BEND7: variants seen among roughly 807,000 people sequenced by gnomAD.
BEND7 encodes BEN domain containing 7, also known as BEN domain-containing protein 7.
Under a neutral mutation model 50.9 loss-of-function variants are expected in BEND7, and 28 were observed. The ratio of observed to expected loss-of-function variants is 0.55; its 90% CI spans 0.41 to 0.75. The LOEUF (loss-of-function observed/expected upper bound fraction) is 0.75. Ranked by LOEUF, BEND7 falls within the 30% of genes least tolerant of loss-of-function variation. The pLI is 0.00. For missense variants in BEND7, 477 were observed against 491.3 expected (o/e 0.97, Z 0.28); for synonymous variants, 170 against 183.9 (o/e 0.92, Z 0.61).
chr10:13,441,040 C>T (rs1835247984), downstream of BEND7: 2 of 924,810 alleles, frequency 2.2e-6, no homozygotes, highest in Non-Finnish European at 2.6e-6. Context: ...ACTGACTTCT[C>T]TTCATAAACA....
At chr10:13,440,446 C>T (rs770603554), downstream of BEND7, among the ~76,000 whole-genome samples, 56 of 152,218 alleles carry the variant, frequency 3.7e-4, no homozygotes, top group Non-Finnish European at 5.9e-4. Context: ...GGTGCGGGTG[C>T]CTTCCCAGGC....
chr10:13,488,233 A>G (rs185964207), intron 5 of BEND7, among the ~76,000 whole-genome samples: 61 of 152,220 alleles, frequency 4.0e-4, no homozygotes, highest in Non-Finnish European at 8.1e-4. Flanking sequence ...AGATAGAAAA[A>G]CATTTCCTAT....
At chr10:13,503,294 C>T (rs1046400731) in intron 2 of BEND7, among the ~76,000 whole-genome samples, 4 of 152,092 alleles carry the variant, frequency 2.6e-5, no homozygotes, top group Non-Finnish European at 5.9e-5. Context: ...AAAATCAGGA[C>T]GTCGGGGGAC....
intron 6 of BEND7, among the ~76,000 whole-genome samples, chr10:13,474,681 G>A (rs1008819535): frequency 9.9e-5 from 15 of 151,766 alleles, no homozygotes; most frequent in African/African-American, 2.2e-4. Flanking sequence ...GTCGATATCC[G>A]TCATCAGTGT....
At chr10:13,503,735 A>ACAAACAAG (rs569272983) in intron 2 of BEND7, among the ~76,000 whole-genome samples, 9 of 151,968 alleles carry the variant, frequency 5.9e-5, no homozygotes, top group African/African-American at 2.2e-4. Flanking sequence ...AAACAAACAA[A>ACAAACAAG]CAACAACTAA....
chr10:13,442,424 T>A (rs969905124), intron 8 of BEND7: 1 of 152,176 alleles, frequency 6.6e-6, no homozygotes, highest in Non-Finnish European at 1.5e-5. Flanking sequence ...TGTTTCTAAA[T>A]AACACAGTGT....
chr10:13,479,375 C>T (rs1431273526), intron 6 of BEND7, among the ~76,000 whole-genome samples: 1 of 151,476 alleles, frequency 6.6e-6, no homozygotes, highest in Non-Finnish European at 1.5e-5. Flanking sequence ...AAACCCACAT[C>T]GATCCACTTG....
chr10:13,484,263 G>C (rs1172454987), intron 5 of BEND7, among the ~76,000 whole-genome samples: 1 of 152,188 alleles, frequency 6.6e-6, no homozygotes, highest in Non-Finnish European at 1.5e-5. Flanking sequence ...TGTGCCAGGT[G>C]CCGCAAGGCA....
chr10:13,449,316 A>G (rs1363591045), intron 7 of BEND7, among the ~76,000 whole-genome samples: 4 of 152,182 alleles, frequency 2.6e-5, no homozygotes, highest in Admixed American at 2.0e-4. Context: ...TCCTTCAATA[A>G]TAATAACAAT....
intron 6 of BEND7, among the ~76,000 whole-genome samples, chr10:13,474,264 T>C (rs887112747): frequency 1.3e-5 from 2 of 152,160 alleles, no homozygotes; most frequent in Admixed American, 6.5e-5. Flanking sequence ...ATCATCGCCG[T>C]TGGACTCGGG....
intron 2 of BEND7, among the ~76,000 whole-genome samples, chr10:13,505,186 C>T (rs554797691): frequency 4.6e-5 from 7 of 152,158 alleles, no homozygotes; most frequent in African/African-American, 9.7e-5. Context: ...CAGTTCTATT[C>T]GCTGCACTCC....
chr10:13,517,813 G>A (rs1173348926), intron 2 of BEND7, among the ~76,000 whole-genome samples: 1 of 152,216 alleles, frequency 6.6e-6, no homozygotes, highest in Non-Finnish European at 1.5e-5. Context: ...GGAGCCGAAA[G>A]GCACCGTGTG....
intron 4 of BEND7, among the ~76,000 whole-genome samples, chr10:13,496,210 A>G (rs1326804205): frequency 2.0e-5 from 3 of 152,252 alleles, no homozygotes; most frequent in East Asian, 3.8e-4. Flanking sequence ...GATGCGCCAC[A>G]CAGCTCCAAA....
At chr10:13,509,058 G>A (rs1009341241) in intron 2 of BEND7, among the ~76,000 whole-genome samples, 4 of 152,182 alleles carry the variant, frequency 2.6e-5, no homozygotes, top group Non-Finnish European at 5.9e-5. Context: ...GGGTCAAAAA[G>A]AGCAAAGAAA....
upstream of BEND7, chr10:13,529,087 G>A (rs1247939637): frequency 4.8e-5 from 7 of 145,142 alleles, no homozygotes; most frequent in East Asian, 1.4e-3. Context: ...CGGTGCCGCT[G>A]GGACCCCAGG....
At chr10:13,510,040 A>C (rs1048016993) in intron 2 of BEND7, among the ~76,000 whole-genome samples, 1 of 152,226 alleles carries the variant, frequency 6.6e-6, no homozygotes, top group Non-Finnish European at 1.5e-5. Context: ...ATTAAGCAAC[A>C]AAGTCTGAAA....
intron 6 of BEND7, among the ~76,000 whole-genome samples, chr10:13,453,624 C>T (rs535107724): frequency 6.6e-6 from 1 of 152,200 alleles, no homozygotes; most frequent in South Asian, 2.1e-4. Context: ...ATGAAGAGCT[C>T]ATTCAAATAA....
chr10:13,477,171 A>AAT (rs1403857701), intron 6 of BEND7, among the ~76,000 whole-genome samples: 6 of 152,160 alleles, frequency 3.9e-5, no homozygotes, highest in Admixed American at 1.3e-4. Flanking sequence ...TAACCACTCT[A>AAT]ATAATCACTT....
intron 2 of BEND7, 102 bp from the exon 3 acceptor site, chr10:13,500,182 G>A (rs1344597737): frequency 9.8e-7 from 1 of 1,020,468 alleles, no homozygotes; most frequent in Non-Finnish European, 1.4e-6. Flanking sequence ...CTTTGGAAAT[G>A]GGAAAGATGA....
Sources: allele counts gnomAD v4.1 joint callset (sites outside exome capture counted in the v4.1 genomes callset), GRCh38; gene constraint gnomAD v4.1.1; transcripts MANE v1.5; gene names NCBI Gene and HGNC (gene_info 2026-07-23, HGNC 2026-07-21).